Variants in TSGA10 observed in about 807,000 individuals in gnomAD.
TSGA10 encodes testis specific 10.
A neutral mutation model predicts 96.6 loss-of-function variants in TSGA10; 43 were observed. That is an observed-to-expected ratio of 0.44 (90% confidence interval 0.35 to 0.57). The LOEUF is 0.57. TSGA10 is among the 20% of genes least tolerant of loss of function. The probability of loss-of-function intolerance (pLI) is 0.01; values close to 1 mark genes in which losing one functional copy is unlikely to be tolerated. For synonymous variants in TSGA10, 229 were observed against 269.9 expected (o/e 0.85, Z 1.48); for missense variants, 703 against 834.4 (o/e 0.84, Z 1.94).
intron 18 of TSGA10, 75 bp from the exon 19 acceptor site, chr2:99,018,715 T>C (rs1021777585): frequency 1.6e-6 from 2 of 1,257,282 alleles, no homozygotes; most frequent in Non-Finnish European, 2.2e-6. Context: ...CATGAAACCA[T>C]ATTGATAGTG....
intron 10 of TSGA10, among the ~76,000 whole-genome samples, chr2:99,095,227 T>C (rs780657469): frequency 2.0e-5 from 3 of 151,978 alleles, no homozygotes; most frequent in Non-Finnish European, 2.9e-5. Flanking sequence ...GATGATACAA[T>C]GGACTTTGGG....
intron 17 of TSGA10, among the ~76,000 whole-genome samples, chr2:99,022,337 A>AC (rs2080116959): frequency 6.6e-6 from 1 of 150,430 alleles, no homozygotes; most frequent in East Asian, 2.0e-4. Context: ...AAAAAAAAAA[A>AC]AAAAAAAAAA....
chr2:99,058,581 G>A (rs75995167), intron 16 of TSGA10, among the ~76,000 whole-genome samples: 10,972 of 151,992 alleles, frequency 0.072, 779 homozygotes, highest in East Asian at 0.21. Context: ...TAAACTTCTG[G>A]CTAGACTGAT....
At chr2:99,087,637 G>C (rs1314238073) in intron 10 of TSGA10, among the ~76,000 whole-genome samples, 1 of 152,192 alleles carries the variant, frequency 6.6e-6, no homozygotes, top group Non-Finnish European at 1.5e-5. Flanking sequence ...ACAGTGAGCT[G>C]TCATCGCACC....
intron 20 of TSGA10, among the ~76,000 whole-genome samples, chr2:99,013,088 T>A (rs1345565272): frequency 1.3e-5 from 2 of 152,134 alleles, no homozygotes; most frequent in Non-Finnish European, 2.9e-5. Flanking sequence ...TTTGTTCTTG[T>A]TTCTCTAGTT....
intron 4 of TSGA10, among the ~76,000 whole-genome samples, chr2:99,114,294 T>C (rs2092063669): frequency 6.6e-6 from 1 of 152,162 alleles, no homozygotes; most frequent in African/African-American, 2.4e-5. Flanking sequence ...AAAATGCATA[T>C]CTAATGTCTT....
At position 99,105,515 on chromosome 2, in the gene TSGA10, A is replaced by G. The variant is rs1226429133; in HGVS notation, c.381+12T>C. 6.2e-7 allele frequency: 1 copy of G among 1,613,620 alleles called. No individual in the cohort carries two copies. Among genetic ancestry groups the G allele is most frequent in the East Asian group, 2.2e-5 (1 of 44,878 alleles). Reference sequence around the variant, plus strand: ...TTTCACATATATTCACGTAAATAAAATCCTTTCCAACCTTTAGCCTCTCCC... The same window carrying G: ...TTTCACATATATTCACGTAAATAAAGTCCTTTCCAACCTTTAGCCTCTCCC... On this transcript the variant is annotated intron_variant, in intron 8 of 20. Coordinates refer to ENST00000393483, the MANE Select transcript of TSGA10 (RefSeq NM_025244.4).
chr2:99,086,117 C>T (rs574720414), intron 10 of TSGA10, among the ~76,000 whole-genome samples: 1 of 152,126 alleles, frequency 6.6e-6, no homozygotes, highest in African/African-American at 2.4e-5. Context: ...AACAAACACC[C>T]ATGACAGGGG....
intron 10 of TSGA10, chr2:99,102,510 C>G: frequency 1.2e-6 from 2 of 1,614,066 alleles, no homozygotes; most frequent in Non-Finnish European, 8.5e-7. Flanking sequence ...TGACCCGGCT[C>G]CATTTTACTT....
At chr2:99,007,419 T>C (rs2078600584) in intron 20 of TSGA10, among the ~76,000 whole-genome samples, 1 of 152,056 alleles carries the variant, frequency 6.6e-6, no homozygotes, top group Non-Finnish European at 1.5e-5. Flanking sequence ...TTAAAAATAT[T>C]TACCATGTAA....
At chr2:99,046,339 C>G (rs887451348) in intron 16 of TSGA10, among the ~76,000 whole-genome samples, 1 of 152,276 alleles carries the variant, frequency 6.6e-6, no homozygotes, top group African/African-American at 2.4e-5. Context: ...CACTCCTTAG[C>G]AAATGTAAAA....
chr2:99,103,168 C>G (rs1482797301), intron 10 of TSGA10, among the ~76,000 whole-genome samples: 2 of 151,316 alleles, frequency 1.3e-5, no homozygotes, highest in Non-Finnish European at 2.9e-5. Flanking sequence ...GTGTGAACTA[C>G]TATTTTTCTT....
At chr2:99,039,304 C>T (rs957453467) in intron 16 of TSGA10, among the ~76,000 whole-genome samples, 2 of 139,974 alleles carry the variant, frequency 1.4e-5, no homozygotes, top group Admixed American at 1.4e-4. Context: ...AAAATGGAAA[C>T]AACCAAAAAA....
chr2:99,068,346 C>T (rs551922192), intron 15 of TSGA10, among the ~76,000 whole-genome samples: 17 of 152,274 alleles, frequency 1.1e-4, no homozygotes, highest in African/African-American at 4.1e-4. Flanking sequence ...ACCTAATAGA[C>T]ATATCTAAAA....
chr2:99,078,383 T>G (rs1302956861), intron 12 of TSGA10, among the ~76,000 whole-genome samples: 2 of 152,110 alleles, frequency 1.3e-5, no homozygotes, highest in African/African-American at 4.8e-5. Flanking sequence ...ATTGTCATGC[T>G]TTATATTTTG....
chr2:99,020,593 T>C (rs1238194357), intron 17 of TSGA10, 111 bp from the exon 18 acceptor site: 4 of 702,052 alleles, frequency 5.7e-6, no homozygotes, highest in African/African-American at 5.4e-5. Flanking sequence ...GCAACTACTT[T>C]TAATGTGATT....
intron 12 of TSGA10, among the ~76,000 whole-genome samples, chr2:99,077,530 A>G (rs766783016): frequency 2.0e-5 from 3 of 152,092 alleles, no homozygotes; most frequent in East Asian, 1.9e-4. Context: ...TAATATCAGT[A>G]TCTCTGCCTT....
chr2:99,147,201 A>G (rs574799559), intron 1 of TSGA10: 11 of 407,598 alleles, frequency 2.7e-5, no homozygotes, highest in East Asian at 1.1e-4. Context: ...AGGTCTCCCT[A>G]TGTTGCCCAG....
rs1432310388 is a variant in TSGA10, at chr2:99,018,203, T to A, written c.2069A>T (p.Glu690Val). The change falls in exon 20 of 21, where the codon GAA (glutamate) becomes GTA (valine). Residue 690 changes from glutamate (E) to valine (V), a missense_variant. Coordinates refer to ENST00000393483, the MANE Select transcript of TSGA10 (RefSeq NM_025244.4). ...ATGGATCCTTAAATAGACTCACTCT[T>A]CTAATGATCGATCTAGGCCTCGGTC... ...SPDRGLDRSL[E>V]ENLCYRDF The A allele has an allele frequency of 1.2e-6, 2 of 1,613,870 alleles. No homozygotes were observed. Among genetic ancestry groups the A allele is most frequent in the African/African-American group, 2.7e-5 (2 of 74,854 alleles).
Sources: allele counts gnomAD v4.1 joint callset (sites outside exome capture counted in the v4.1 genomes callset), GRCh38; gene constraint gnomAD v4.1.1; transcripts MANE v1.5; gene names NCBI Gene and HGNC (gene_info 2026-07-23, HGNC 2026-07-21).